The following MAGI2 variants were observed in gnomAD, a reference collection of about 807,000 sequenced individuals.
MAGI2 encodes the protein membrane-associated guanylate kinase, WW and PDZ domain-containing protein 2.
In MAGI2, 35 loss-of-function variants were observed where a neutral mutation model predicts 133.3. That is an observed-to-expected ratio of 0.26 (90% CI 0.20 to 0.35). The LOEUF (loss-of-function observed/expected upper bound fraction) is 0.35. Ranked by LOEUF, MAGI2 falls within the 10% of genes least tolerant of loss-of-function variation. The pLI is 1.00. For missense variants in MAGI2, 1,636 were observed against 1,863.4 expected, an observed-to-expected ratio of 0.88 and a Z score of 2.25; for synonymous variants, 729 against 710.6, an observed-to-expected ratio of 1.03 and a Z score of -0.41.
chr7:78,580,280 G>A (rs189078202), intron 3 of MAGI2, among the ~76,000 whole-genome samples: 1 of 152,288 alleles, frequency 6.6e-6, no homozygotes, highest in Non-Finnish European at 1.5e-5. Flanking sequence ...CCATTTAAGA[G>A]AGGAATATCA....
chr7:78,321,483 G>A (rs553572099), intron 9 of MAGI2, among the ~76,000 whole-genome samples: 2 of 152,228 alleles, frequency 1.3e-5, no homozygotes, highest in African/African-American at 4.8e-5. Flanking sequence ...ACAACCATCT[G>A]ATCTTTGACA....
chr7:78,820,310 A>G, intron 2 of MAGI2, among the ~76,000 whole-genome samples: 1 of 151,994 alleles, frequency 6.6e-6, no homozygotes, highest in East Asian at 1.9e-4. Context: ...ATATATAATT[A>G]TAATCATAAG....
At chr7:78,234,291 A>G (rs1473852929) in intron 10 of MAGI2, among the ~76,000 whole-genome samples, 1 of 152,200 alleles carries the variant, frequency 6.6e-6, no homozygotes, top group African/African-American at 2.4e-5. Flanking sequence ...GCTTTGTAAC[A>G]TAAAACTGCT....
chr7:79,033,907 T>C (rs1810865304), intron 1 of MAGI2, among the ~76,000 whole-genome samples: 1 of 152,098 alleles, frequency 6.6e-6, no homozygotes, highest in South Asian at 2.1e-4. Context: ...CTAAATATAC[T>C]AACAAAACAA....
At chr7:79,272,783 A>G (rs1048899206) in intron 1 of MAGI2, among the ~76,000 whole-genome samples, 1 of 152,088 alleles carries the variant, frequency 6.6e-6, no homozygotes, top group East Asian at 1.9e-4. Context: ...GTTTTAGTTC[A>G]GACAAATGAT....
At chr7:78,714,474 C>G (rs190125217) in intron 2 of MAGI2, among the ~76,000 whole-genome samples, 5 of 152,106 alleles carry the variant, frequency 3.3e-5, no homozygotes, top group Admixed American at 3.3e-4. Flanking sequence ...GTGTTCTCCC[C>G]CACCTTCCAT....
intron 1 of MAGI2, among the ~76,000 whole-genome samples, chr7:79,141,791 G>C (rs563367884): frequency 6.6e-6 from 1 of 150,798 alleles, no homozygotes; most frequent in East Asian, 2.0e-4. Context: ...ATGCTCTTTT[G>C]AATTTACATA....
chr7:78,326,153 TAAG>T (rs1214081911), intron 9 of MAGI2, among the ~76,000 whole-genome samples: 1 of 152,186 alleles, frequency 6.6e-6, no homozygotes, highest in African/African-American at 2.4e-5. Flanking sequence ...TTTCATCTTA[TAAG>T]AAGAGATTGT....
chr7:78,214,105 T>C (rs140864770), intron 10 of MAGI2, among the ~76,000 whole-genome samples: 28 of 152,364 alleles, frequency 1.8e-4, no homozygotes, highest in Non-Finnish European at 3.2e-4. Context: ...TGGTTCTCAC[T>C]GATGTTAATG....
At chr7:78,328,077 AACTC>A (rs570585238) in intron 9 of MAGI2, among the ~76,000 whole-genome samples, 2 of 152,214 alleles carry the variant, frequency 1.3e-5, no homozygotes, top group African/African-American at 4.8e-5. Flanking sequence ...CTCTTATGTA[AACTC>A]ACTGTCAGGC....
At chr7:79,386,737 T>G (rs545187446) in intron 1 of MAGI2, among the ~76,000 whole-genome samples, 2 of 152,142 alleles carry the variant, frequency 1.3e-5, no homozygotes, top group South Asian at 4.1e-4. Context: ...AAATTCAAAT[T>G]GAAAACTATC....
chr7:78,968,609 T>C (rs947352666), intron 2 of MAGI2, among the ~76,000 whole-genome samples: 11 of 152,100 alleles, frequency 7.2e-5, no homozygotes, highest in Admixed American at 5.2e-4. Flanking sequence ...TATAGCACTT[T>C]TCAGCTATTG....
chr7:78,516,206 G>A (rs1029066492), intron 4 of MAGI2, among the ~76,000 whole-genome samples: 1 of 152,202 alleles, frequency 6.6e-6, no homozygotes, highest in African/African-American at 2.4e-5. Context: ...AGAGAAAGGA[G>A]TTTATATACG....
intron 1 of MAGI2, among the ~76,000 whole-genome samples, chr7:79,374,378 G>T (rs1407246886): frequency 6.6e-6 from 1 of 151,488 alleles, no homozygotes; most frequent in East Asian, 2.0e-4. Flanking sequence ...ACACGGAGAA[G>T]ATGGCCATGT....
intron 2 of MAGI2, among the ~76,000 whole-genome samples, chr7:78,936,311 C>G (rs1421676086): frequency 2.6e-5 from 4 of 151,862 alleles, no homozygotes; most frequent in African/African-American, 9.7e-5. Context: ...TGTATTAACT[C>G]ATTTAATTAT....
chr7:79,002,860 AGTGTGTGTGTGTGTGT>A (rs4021172), intron 2 of MAGI2, among the ~76,000 whole-genome samples: 1 of 133,622 alleles, frequency 7.5e-6, no homozygotes, highest in South Asian at 2.5e-4. Flanking sequence ...TTTATTGAAA[AGTGTGTGTGTGTGTGT>A]GTGTGTGTGT....
intron 9 of MAGI2, among the ~76,000 whole-genome samples, chr7:78,312,761 G>A (rs937837032): frequency 3.3e-5 from 5 of 151,726 alleles, no homozygotes; most frequent in Admixed American, 6.6e-5. Flanking sequence ...AAATAGAACC[G>A]CCATTCCATC....
At chr7:79,415,155 A>G (rs964151196) in intron 1 of MAGI2, 2 of 152,318 alleles carry the variant, frequency 1.3e-5, no homozygotes, top group Non-Finnish European at 1.5e-5. Flanking sequence ...CCTCTAGCCT[A>G]CATAAGAAAA....
intron 2 of MAGI2, among the ~76,000 whole-genome samples, chr7:78,631,917 TTTC>T (rs1365231151): frequency 3.3e-5 from 5 of 152,218 alleles, no homozygotes; most frequent in African/African-American, 1.2e-4. Context: ...AAACTCTAGT[TTTC>T]TTATCTGTAA....
Sources: gnomAD v4.1 joint callset for allele counts (sites outside exome capture counted in the v4.1 genomes callset) on GRCh38, gnomAD v4.1.1 for gene constraint, MANE v1.5 for transcripts, NCBI Gene and HGNC (gene_info 2026-07-23, HGNC 2026-07-21) for gene names.